The following MNAT1 variants were observed in gnomAD, a reference collection of about 807,000 sequenced individuals.
The protein encoded by MNAT1 is CDK-activating kinase assembly factor MAT1.
MNAT1 carries 43 observed loss-of-function variants against 42.0 expected under a neutral mutation model. The observed-to-expected ratio is 1.02, with a 90% confidence interval of 0.80 to 1.32. The LOEUF (loss-of-function observed/expected upper bound fraction) is 1.32, where lower values mean the gene tolerates loss of function less well. Among genes scored for constraint, MNAT1 ranks in the 40% most tolerant of loss-of-function variants. The pLI is 0.00. For synonymous variants in MNAT1, 118 were observed against 120.0 expected (o/e 0.98, Z 0.11); for missense variants, 306 against 350.4 (o/e 0.87, Z 1.01).
intron 1 of MNAT1, among the ~76,000 whole-genome samples, chr14:60,747,079 A>G (rs1411838480): frequency 2.1e-5 from 3 of 143,974 alleles, no homozygotes; most frequent in Non-Finnish European, 3.0e-5. Context: ...TCTGCCTCCC[A>G]GGTTCACGCC....
intron 1 of MNAT1, among the ~76,000 whole-genome samples, chr14:60,765,201 A>T (rs957542029): frequency 1.3e-5 from 2 of 152,154 alleles, no homozygotes; most frequent in African/African-American, 4.8e-5. Context: ...CAGTGAGCCA[A>T]GATCGTGCCA....
intron 7 of MNAT1, among the ~76,000 whole-genome samples, chr14:60,926,737 A>G (rs923939120): frequency 3.3e-5 from 5 of 152,100 alleles, no homozygotes; most frequent in Admixed American, 1.3e-4. Context: ...AGGCTTAATT[A>G]TGTAGGCTCT....
intron 1 of MNAT1, among the ~76,000 whole-genome samples, chr14:60,789,319 A>G (rs2031746733): frequency 1.3e-5 from 2 of 152,182 alleles, no homozygotes; most frequent in East Asian, 3.8e-4. Flanking sequence ...TGGTAACACC[A>G]AAGATCACTG....
At position 60,968,590 on chromosome 14, in the gene MNAT1, A is replaced by C. The variant is rs969104929; in HGVS notation, c.*241A>C. 2.1e-5 allele frequency: 24 copies of C among 1,161,086 alleles called. No individual in the cohort carries two copies. Among genetic ancestry groups the C allele is most frequent in the Non-Finnish European group, 2.8e-5 (24 of 855,786 alleles). The allele number at this position is 1,161,086 out of a possible 1,614,324, so 71.9% of individuals were successfully genotyped here. ...TGACACGATAAGCCTCATCTGATGG[A>C]AGAGAGGAATAAATAATTCACCTAT... On this transcript the variant is annotated 3_prime_UTR_variant, in exon 8 of 8. Transcript: ENST00000261245.
At chr14:60,815,721 A>C (rs1327433232) in intron 5 of MNAT1, among the ~76,000 whole-genome samples, 1 of 152,112 alleles carries the variant, frequency 6.6e-6, no homozygotes, top group African/African-American at 2.4e-5. Context: ...TACTGCACAT[A>C]CTTTCCTCAG....
At chr14:60,840,252 AT>A (rs1466239103) in intron 6 of MNAT1, among the ~76,000 whole-genome samples, 8 of 152,346 alleles carry the variant, frequency 5.3e-5, no homozygotes, top group Middle Eastern at 6.8e-3. Flanking sequence ...TTAGGGAAAA[AT>A]GCCTGTGTGA....
At position 60,791,099 on chromosome 14, in the gene MNAT1, A is replaced by G. The variant is rs528831883; in HGVS notation, c.90-5118A>G. Among the ~76,000 whole-genome samples, 12 of 152,218 alleles carry G rather than the reference A, an allele frequency of 7.9e-5. No individual in the cohort carries two copies. The East Asian group carries it at 1.9e-3, about 24-fold the overall frequency. On this transcript the variant is annotated intron_variant, in intron 1 of 7. Transcript: ENST00000261245. ...TTAACTCTTTCCTTTTCCCTTGAGTACAAATATTTGTTTTTACACAGCTCC... is the reference window on the plus strand; with the variant it reads ...TTAACTCTTTCCTTTTCCCTTGAGTGCAAATATTTGTTTTTACACAGCTCC...
At chr14:60,824,799 C>A (rs1449105356) in intron 6 of MNAT1, among the ~76,000 whole-genome samples, 1 of 151,994 alleles carries the variant, frequency 6.6e-6, no homozygotes, top group Admixed American at 6.6e-5. Flanking sequence ...CATAATGTTA[C>A]CATTAATGTT....
At chr14:60,812,389 C>G (rs117573898) in intron 5 of MNAT1, among the ~76,000 whole-genome samples, 2,687 of 152,324 alleles carry the variant, frequency 0.018, 48 homozygotes, top group Non-Finnish European at 0.023. Context: ...TTCTGCTTCC[C>G]TAATGTATTC....
intron 6 of MNAT1, among the ~76,000 whole-genome samples, chr14:60,820,777 ATG>A (rs2032868194): frequency 6.6e-6 from 1 of 152,152 alleles, no homozygotes; most frequent in South Asian, 2.1e-4. Context: ...TCCTAAATAA[ATG>A]AATGATGGTA....
intron 1 of MNAT1, among the ~76,000 whole-genome samples, chr14:60,752,912 G>A (rs1000442444): frequency 2.6e-5 from 4 of 152,024 alleles, no homozygotes; most frequent in African/African-American, 7.2e-5. Flanking sequence ...TTACAGGTAC[G>A]CACCACCATG....
intron 7 of MNAT1, among the ~76,000 whole-genome samples, chr14:60,953,483 G>A (rs2036421619): frequency 6.6e-6 from 1 of 152,028 alleles, no homozygotes; most frequent in Non-Finnish European, 1.5e-5. Flanking sequence ...ATTAGCAGAG[G>A]GTAAAAGTGC....
intron 1 of MNAT1, among the ~76,000 whole-genome samples, chr14:60,746,386 A>T (rs956188600): frequency 6.6e-5 from 10 of 151,886 alleles, no homozygotes; most frequent in African/African-American, 2.4e-4. Context: ...GTGGTGGGTC[A>T]TGCCTGTAAT....
intron 1 of MNAT1, among the ~76,000 whole-genome samples, chr14:60,746,236 C>T (rs918966881): frequency 1.3e-5 from 2 of 152,176 alleles, no homozygotes; most frequent in Non-Finnish European, 2.9e-5. Context: ...AAATTATTGG[C>T]TGGGTGCGGT....
At chr14:60,774,126 A>G (rs747080926) in intron 1 of MNAT1, among the ~76,000 whole-genome samples, 2 of 152,270 alleles carry the variant, frequency 1.3e-5, no homozygotes, top group Non-Finnish European at 2.9e-5. Flanking sequence ...TTTAAAAGAC[A>G]GATCAATTTC....
chr14:60,864,680 CA>C (rs2034165986), intron 6 of MNAT1, among the ~76,000 whole-genome samples: 1 of 151,988 alleles, frequency 6.6e-6, no homozygotes, highest in Non-Finnish European at 1.5e-5. Flanking sequence ...TGTGAAATTT[CA>C]GGTGAGAAGG....
chr14:60,958,609 C>CT (rs2036527257), intron 7 of MNAT1, among the ~76,000 whole-genome samples: 1 of 21,522 alleles, frequency 4.6e-5, no homozygotes, highest in African/African-American at 8.9e-5. Context: ...CTCTTTCTTT[C>CT]TTTTTCCTTC....
rs531797068 is a variant in MNAT1, at chr14:60,968,752, T to C, written c.*403T>C. On this transcript the variant is annotated 3_prime_UTR_variant, in exon 8 of 8. Transcript: ENST00000261245. ...TAAATACCATTTTGATTACAACATTTACTGTTAATATCCAAGTCTATTATT... is the reference window on the plus strand; with the variant it reads ...TAAATACCATTTTGATTACAACATTCACTGTTAATATCCAAGTCTATTATT... The C allele has an allele frequency of 1.4e-5, 4 of 278,518 alleles. No individual in the cohort carries two copies. The highest frequency in any genetic ancestry group is 1.4e-4 in the South Asian group (4 of 28,300). 17.3% of individuals were successfully genotyped at this position (278,518 alleles called of 1,614,324 possible). A position where few individuals can be genotyped will look rare whatever the true frequency, so the allele number is the denominator to read the frequency against.
chr14:60,960,106 G>A (rs1409570336), intron 7 of MNAT1, among the ~76,000 whole-genome samples: 2 of 152,134 alleles, frequency 1.3e-5, no homozygotes, highest in Non-Finnish European at 2.9e-5. Flanking sequence ...AAACACGTCT[G>A]CTGTAAATAC....
Sources: gnomAD v4.1 joint callset for allele counts (sites outside exome capture counted in the v4.1 genomes callset) on GRCh38, gnomAD v4.1.1 for gene constraint, MANE v1.5 for transcripts, NCBI Gene and HGNC (gene_info 2026-07-23, HGNC 2026-07-21) for gene names.